The following IL1RAPL2 variants were observed in gnomAD, a reference collection of about 807,000 sequenced individuals.
IL1RAPL2 encodes the protein interleukin 1 receptor accessory protein like 2.
Under a neutral mutation model 44.1 loss-of-function variants are expected in IL1RAPL2, and 3 were observed. That is an observed-to-expected ratio of 0.07 (90% CI 0.03 to 0.18). The LOEUF (loss-of-function observed/expected upper bound fraction) is 0.18, where lower values mean the gene tolerates loss of function less well. IL1RAPL2 is among the 10% of genes least tolerant of loss of function. The probability of loss-of-function intolerance (pLI) is 1.00; values close to 1 mark genes in which losing one functional copy is unlikely to be tolerated. For synonymous variants in IL1RAPL2, 181 were observed against 178.8 expected (o/e 1.01, Z -0.10); for missense variants, 391 against 496.4 (o/e 0.79, Z 2.02).
rs539636991 is a variant in IL1RAPL2, at chrX:105,239,917, A to G, written c.543+5913A>G. Among the ~76,000 whole-genome samples the G allele has an allele frequency of 3.8e-4, 43 of 112,051 alleles. 1 individual carries two copies. The South Asian group carries it at 8.5e-3, about 22-fold the overall frequency. Reference sequence around the variant, plus strand: ...ATAACATCACCCTTCTCGCAAGGAAAAGCTTTGATACAACCAGAAAACATA... The same window carrying G: ...ATAACATCACCCTTCTCGCAAGGAAGAGCTTTGATACAACCAGAAAACATA... On this transcript the variant is annotated intron_variant, in intron 4 of 10. Coordinates refer to ENST00000372582, the MANE Select transcript of IL1RAPL2 (RefSeq NM_017416.2).
At chrX:105,181,657 T>A (rs1320025362) in intron 2 of IL1RAPL2, among the ~76,000 whole-genome samples, 1 of 111,907 alleles carries the variant, frequency 8.9e-6, no homozygotes, top group Non-Finnish European at 1.9e-5. Flanking sequence ...TTTTATTCTA[T>A]TGTGGTCTGA....
intron 2 of IL1RAPL2, among the ~76,000 whole-genome samples, chrX:104,783,864 G>A (rs1057261594): frequency 2.7e-5 from 3 of 109,849 alleles, no homozygotes; most frequent in Non-Finnish European, 5.7e-5. Flanking sequence ...CATTTAATGG[G>A]AACCTTTCTT....
chrX:105,611,588 T>C (rs765088405), intron 6 of IL1RAPL2, among the ~76,000 whole-genome samples: 1 of 112,181 alleles, frequency 8.9e-6, no homozygotes, highest in East Asian at 2.8e-4. Context: ...GCTGTATAGG[T>C]TTGTAGCTTA....
chrX:104,605,727 G>C (rs1309981151), intron 1 of IL1RAPL2, among the ~76,000 whole-genome samples: 4 of 111,875 alleles, frequency 3.6e-5, no homozygotes, highest in African/African-American at 1.3e-4. Context: ...AGAAGAAATG[G>C]ATAAATTCCT....
At chrX:105,701,632 G>T (rs1344162292) in intron 6 of IL1RAPL2, among the ~76,000 whole-genome samples, 1 of 110,810 alleles carries the variant, frequency 9.0e-6, no homozygotes, top group Non-Finnish European at 1.9e-5. Context: ...CTGCCTTCCT[G>T]CCAAGTAGAG....
chrX:105,100,309 T>C (rs1490936006), intron 2 of IL1RAPL2, among the ~76,000 whole-genome samples: 1 of 111,714 alleles, frequency 9.0e-6, no homozygotes, highest in East Asian at 2.8e-4. Context: ...GATTTTTCCA[T>C]AACTCTAAAG....
intron 6 of IL1RAPL2, among the ~76,000 whole-genome samples, chrX:105,515,261 T>A (rs1474274332): frequency 8.9e-6 from 1 of 111,822 alleles, no homozygotes; most frequent in Non-Finnish European, 1.9e-5. Context: ...CATCTGGCAA[T>A]CACAGATCCT....
intron 5 of IL1RAPL2, among the ~76,000 whole-genome samples, chrX:105,308,203 T>C (rs888790311): frequency 9.0e-6 from 1 of 111,651 alleles, no homozygotes; most frequent in Non-Finnish European, 1.9e-5. Context: ...TTTCCTAAAA[T>C]AGGAAAACAT....
chrX:105,673,195 T>C, intron 6 of IL1RAPL2, among the ~76,000 whole-genome samples: 1 of 111,664 alleles, frequency 9.0e-6, no homozygotes, highest in Middle Eastern at 4.6e-3. Flanking sequence ...GGGGTACATA[T>C]GCAGTATGTG....
chrX:104,946,561 C>T (rs1241239563), intron 2 of IL1RAPL2, among the ~76,000 whole-genome samples: 1 of 58,397 alleles, frequency 1.7e-5, no homozygotes, highest in Non-Finnish European at 2.9e-5. Context: ...GCTATCCCTC[C>T]CCCCTCCCCC....
At chrX:105,622,705 G>C (rs931409325) in intron 6 of IL1RAPL2, among the ~76,000 whole-genome samples, 1 of 111,569 alleles carries the variant, frequency 9.0e-6, no homozygotes, top group African/African-American at 3.2e-5. Context: ...AAAGGTGTTT[G>C]ACTTAAAGTA....
chrX:105,666,257 G>A (rs1230369400), intron 6 of IL1RAPL2, among the ~76,000 whole-genome samples: 1 of 110,838 alleles, frequency 9.0e-6, no homozygotes, highest in Non-Finnish European at 1.9e-5. Context: ...TGGATAGGCA[G>A]GTCGAGAAAT....
At chrX:105,012,645 T>TCTCTCTCTCACA (rs1287477665) in intron 2 of IL1RAPL2, among the ~76,000 whole-genome samples, 2 of 48,511 alleles carry the variant, frequency 4.1e-5, no homozygotes, top group Non-Finnish European at 7.4e-5. Context: ...TCTCTCTCTC[T>TCTCTCTCTCACA]CACACACACA....
chrX:105,302,929 T>C (rs2034707584), intron 5 of IL1RAPL2, among the ~76,000 whole-genome samples: 1 of 111,729 alleles, frequency 9.0e-6, no homozygotes, highest in Admixed American at 9.5e-5. Context: ...GACCGCTGGG[T>C]TGGATGATTT....
At chrX:105,223,595 T>G (rs2033987898) in intron 3 of IL1RAPL2, among the ~76,000 whole-genome samples, 1 of 112,106 alleles carries the variant, frequency 8.9e-6, no homozygotes, top group Admixed American at 9.5e-5. Context: ...AAATTGTTTC[T>G]TTTAGCAGCC....
intron 2 of IL1RAPL2, among the ~76,000 whole-genome samples, chrX:104,677,694 G>T (rs1230752187): frequency 2.7e-5 from 3 of 112,130 alleles, no homozygotes; most frequent in African/African-American, 9.7e-5. Context: ...CCCTCCCCCA[G>T]CCTCGCTGCC....
At chrX:104,590,657 A>G (rs896418997) in intron 1 of IL1RAPL2, among the ~76,000 whole-genome samples, 5 of 112,055 alleles carry the variant, frequency 4.5e-5, no homozygotes, top group Non-Finnish European at 7.5e-5. Context: ...TCTTACCAGT[A>G]ACCAGAGGTG....
intron 6 of IL1RAPL2, among the ~76,000 whole-genome samples, chrX:105,593,085 C>G (rs1187692197): frequency 1.8e-5 from 2 of 111,631 alleles, no homozygotes; most frequent in Admixed American, 1.9e-4. Context: ...TAGATTTGGC[C>G]TCTTTATATA....
At chrX:105,649,003 G>C (rs914842954) in intron 6 of IL1RAPL2, among the ~76,000 whole-genome samples, 2 of 111,331 alleles carry the variant, frequency 1.8e-5, no homozygotes, top group African/African-American at 3.3e-5. Flanking sequence ...AAGCCTTTCA[G>C]ATTGCCTAAG....
Sources: gnomAD v4.1 joint callset for allele counts (sites outside exome capture counted in the v4.1 genomes callset) on GRCh38, gnomAD v4.1.1 for gene constraint, MANE v1.5 for transcripts, NCBI Gene and HGNC (gene_info 2026-07-23, HGNC 2026-07-21) for gene names.